The following TMX4 variants were observed in gnomAD, a reference collection of about 807,000 sequenced individuals.
TMX4 encodes the protein thioredoxin related transmembrane protein 4, also known as thioredoxin-related transmembrane protein 4.
In TMX4, 23 loss-of-function variants were observed where a neutral mutation model predicts 33.3. The ratio of observed to expected loss-of-function variants is 0.69; its 90% confidence interval spans 0.50 to 0.98. The LOEUF is 0.98. TMX4 is among the 50% of genes least tolerant of loss of function. TMX4 has a pLI of 0.00. For synonymous variants in TMX4, 164 were observed against 161.5 expected (o/e 1.02, Z -0.12); for missense variants, 399 against 448.9 (o/e 0.89, Z 1.01).
In TMX4 at chr20:7,981,978, G is replaced by C. The variant is rs1600138456; in HGVS notation, c.*273C>G. ...ACTGGGAATGGCCTCCTCTGGTCGA[G>C]ACTCTCTGACCCCTAAGTAAATGAA... is the stretch of plus-strand genomic sequence containing the variant. On this transcript the variant is annotated 3_prime_UTR_variant, in exon 8 of 8. Coordinates refer to ENST00000246024, the MANE Select transcript of TMX4 (RefSeq NM_021156.4). 1 of 370,856 alleles carries C rather than the reference G, an allele frequency of 2.7e-6. No homozygotes were observed. The highest frequency in any genetic ancestry group is 5.4e-5 in the East Asian group (1 of 18,636). The allele number at this position is 370,856 out of a possible 1,614,324, so 23.0% of individuals were successfully genotyped here. A position where few individuals can be genotyped will look rare whatever the true frequency, so the allele number is the denominator to read the frequency against.
At chr20:8,006,323 G>C (rs1428187804) in intron 2 of TMX4, among the ~76,000 whole-genome samples, 2 of 152,176 alleles carry the variant, frequency 1.3e-5, no homozygotes, top group East Asian at 3.8e-4. Context: ...ACTGATGGAA[G>C]AGTTATAAGA....
chr20:7,986,375 A>G (rs567094444), intron 6 of TMX4, among the ~76,000 whole-genome samples: 3 of 152,198 alleles, frequency 2.0e-5, no homozygotes, highest in East Asian at 1.9e-4. Flanking sequence ...GTGACTTACT[A>G]TAAGTCAATT....
chr20:8,008,916 G>A (rs1006046726), intron 2 of TMX4, among the ~76,000 whole-genome samples: 3 of 152,038 alleles, frequency 2.0e-5, no homozygotes, highest in African/African-American at 7.2e-5. Context: ...TAGAAATCTC[G>A]CTCCACGGGT....
chr20:8,011,424 CA>C (rs2050752585), intron 1 of TMX4, among the ~76,000 whole-genome samples: 1 of 151,500 alleles, frequency 6.6e-6, no homozygotes, highest in South Asian at 2.1e-4. Context: ...TCATCATTTA[CA>C]AATCCCTTCA....
intron 5 of TMX4, among the ~76,000 whole-genome samples, chr20:7,989,899 T>C (rs141532522): frequency 4.5e-4 from 69 of 152,314 alleles, no homozygotes; most frequent in African/African-American, 1.6e-3. Context: ...CAATATTATA[T>C]GTGCTTACCA....
intron 1 of TMX4, among the ~76,000 whole-genome samples, chr20:8,011,575 T>C (rs2050753194): frequency 6.6e-6 from 1 of 151,854 alleles, no homozygotes; most frequent in South Asian, 2.1e-4. Context: ...ATCTTTCGCA[T>C]TATAAAAGAT....
At chr20:8,002,303 T>C (rs935659435) in intron 2 of TMX4, among the ~76,000 whole-genome samples, 1 of 152,134 alleles carries the variant, frequency 6.6e-6, no homozygotes, top group African/African-American at 2.4e-5. Context: ...AATAAAAACA[T>C]GTACAACCTT....
At chr20:8,005,215 A>T (rs2050723837) in intron 2 of TMX4, among the ~76,000 whole-genome samples, 1 of 151,886 alleles carries the variant, frequency 6.6e-6, no homozygotes, top group Non-Finnish European at 1.5e-5. Flanking sequence ...GGTGATGAGC[A>T]GCTGCTGTTT....
intron 2 of TMX4, among the ~76,000 whole-genome samples, chr20:8,002,210 A>G (rs1374612693): frequency 1.3e-5 from 2 of 152,220 alleles, no homozygotes; most frequent in African/African-American, 4.8e-5. Flanking sequence ...AAAGATAAAT[A>G]AAACCCTTAG....
In TMX4 at chr20:8,004,167, G is replaced by A. The variant is rs374168499; in HGVS notation, c.293-2626C>T. Among the ~76,000 whole-genome samples the A allele has an allele frequency of 2.4e-4, 36 of 149,718 alleles. No homozygotes were observed. In the East Asian group the frequency reaches 5.8e-3, roughly 24 times the overall value. Reference sequence around the variant, plus strand: ...ACTTCTGGGAGGCTAAAAGACATCCGAAAACTCTGGGTCTCATCTCAGTAC... The same window carrying A: ...ACTTCTGGGAGGCTAAAAGACATCCAAAAACTCTGGGTCTCATCTCAGTAC... On this transcript the variant is annotated intron_variant, in intron 2 of 7. Coordinates refer to ENST00000246024, the MANE Select transcript of TMX4 (RefSeq NM_021156.4).
Position 7,996,029 on chromosome 20 carries a change from T to A in TMX4, c.510A>T (p.Ile170=), listed in dbSNP as rs1296998576. The A allele has an allele frequency of 9.3e-6, 15 of 1,608,744 alleles. No individual in the cohort carries two copies. Among genetic ancestry groups the A allele is most frequent in the Non-Finnish European group, 1.3e-5 (15 of 1,177,402 alleles). ...MAGLFSISGK[I]WHLHNYFTVT... ...CGTTTTATTTAAGATTACTTACCCATATCTTGCCAGAGATGCTAAAAAGAC... is the reference window on the plus strand; with the variant it reads ...CGTTTTATTTAAGATTACTTACCCAAATCTTGCCAGAGATGCTAAAAAGAC... The change falls in exon 5 of 8, where the codon ATA becomes ATT. Residue 170 remains isoleucine (I), a synonymous_variant. Transcript: ENST00000246024.
intron 1 of TMX4, among the ~76,000 whole-genome samples, chr20:8,017,708 G>A (rs1171589088): frequency 1.3e-5 from 2 of 152,174 alleles, no homozygotes; most frequent in Admixed American, 6.5e-5. Context: ...AGCACCTACT[G>A]AAAAGAGAAC....
In TMX4 at chr20:7,987,319, G is replaced by A. The variant is rs1283241577; in HGVS notation, c.584C>T (p.Ala195Val). The A allele has an allele frequency of 6.3e-7, 1 of 1,596,900 alleles. No homozygotes were observed. Among genetic ancestry groups the A allele is most frequent in the East Asian group, 2.3e-5 (1 of 43,568 alleles). The change falls in exon 6 of 8, where the codon GCC becomes GTC. Residue 195 changes from alanine (A) to valine (V), a missense_variant. Transcript: ENST00000246024. ...CATAAAAAGGCCAAAAACCAAGGTGGCTATGACGAAAAAGACATAAGAACA... is the reference window on the plus strand; with the variant it reads ...CATAAAAAGGCCAAAAACCAAGGTGACTATGACGAAAAAGACATAAGAACA... ...AWCSYVFFVI[A>V]TLVFGLFMGL...
At chr20:8,009,310 G>A (rs1251944600) in intron 2 of TMX4, among the ~76,000 whole-genome samples, 1 of 151,982 alleles carries the variant, frequency 6.6e-6, no homozygotes, top group African/African-American at 2.4e-5. Flanking sequence ...ATTCATTCTT[G>A]TGAAAACTTA....
chr20:7,991,112 T>G (rs1014879059), intron 5 of TMX4, among the ~76,000 whole-genome samples: 1 of 152,356 alleles, frequency 6.6e-6, no homozygotes, highest in East Asian at 1.9e-4. Flanking sequence ...ATATTTTAAA[T>G]AAAGCCTTAA....
intron 4 of TMX4, among the ~76,000 whole-genome samples, chr20:7,997,410 CCT>C (rs1475396618): frequency 1.8e-4 from 28 of 152,198 alleles, no homozygotes; most frequent in East Asian, 1.9e-4. Context: ...TTAACCACCC[CCT>C]CTTTTTTTCC....
At chr20:7,984,952 T>C (rs2050624348) in intron 6 of TMX4, among the ~76,000 whole-genome samples, 1 of 152,134 alleles carries the variant, frequency 6.6e-6, no homozygotes, top group Non-Finnish European at 1.5e-5. Flanking sequence ...TGTCCCCCAG[T>C]ATTCCTTTAC....
intron 2 of TMX4, among the ~76,000 whole-genome samples, chr20:8,008,287 A>G (rs952638061): frequency 3.9e-5 from 6 of 152,256 alleles, no homozygotes; most frequent in Admixed American, 6.5e-5. Context: ...TTGTTCAAAC[A>G]CATAAAATAA....
intron 1 of TMX4, among the ~76,000 whole-genome samples, chr20:8,014,783 G>A (rs979913003): frequency 6.6e-6 from 1 of 152,178 alleles, no homozygotes; most frequent in Admixed American, 6.5e-5. Context: ...GTAAAAGCTT[G>A]GATGGGCCTT....
Sources: gnomAD v4.1 joint callset for allele counts (sites outside exome capture counted in the v4.1 genomes callset) on GRCh38, gnomAD v4.1.1 for gene constraint, MANE v1.5 for transcripts, NCBI Gene and HGNC (gene_info 2026-07-23, HGNC 2026-07-21) for gene names.